GMDS: variants seen among roughly 807,000 people sequenced by gnomAD.
The protein encoded by GMDS is GDP-mannose 4,6-dehydratase, also known as GDP-mannose 4,6 dehydratase.
A neutral mutation model predicts 49.9 loss-of-function variants in GMDS; 20 were observed. That is an observed-to-expected ratio of 0.40 (90% CI 0.28 to 0.58). GMDS has a LOEUF of 0.58. Ranked by LOEUF, GMDS falls within the 20% of genes least tolerant of loss-of-function variation. The pLI is 0.42. For synonymous variants in GMDS, 177 were observed against 178.6 expected (o/e 0.99, Z 0.07); for missense variants, 362 against 481.4 (o/e 0.75, Z 2.32).
intron 7 of GMDS, among the ~76,000 whole-genome samples, chr6:1,765,985 C>T (rs894325264): frequency 1.3e-5 from 2 of 152,086 alleles, no homozygotes; most frequent in East Asian, 1.9e-4. Context: ...CTGGGTCCTT[C>T]GAAACATGCC....
rs1255971943 is a variant in GMDS at position 1,996,138 on chromosome 6, T to TCTTCCTCCTTCCTCTTC, written c.346-35189_346-35173dup. On this transcript the variant is annotated intron_variant, in intron 4 of 10. Transcript: ENST00000380815. ...CTTCCTCCTCCTTCCTCCTTCCTCT[T>TCTTCCTCCTTCCTCTTC]CTTCCTCCTTCCTCTTCCTTCCTCC... 4.0e-5 allele frequency among the ~76,000 whole-genome samples: 6 copies of TCTTCCTCCTTCCTCTTC among 151,826 alleles called. No homozygotes were observed. The South Asian group carries it at 6.3e-4, about 16-fold the overall frequency.
In GMDS at chr6:1,747,276, C is replaced by T. The variant is rs1255694856; in HGVS notation, c.772-4690G>A. Among the ~76,000 whole-genome samples the T allele has an allele frequency of 2.6e-5, 4 of 152,196 alleles. No individual in the cohort carries two copies. In the East Asian group the frequency reaches 7.7e-4, roughly 29 times the overall value. On this transcript the variant is annotated intron_variant, in intron 7 of 10. Transcript: ENST00000380815. ...CTTAAAAATCTGGATTCTACAATTGCTTCCACCTCGACGTTAACCTCCAGT... is the reference window on the plus strand; with the variant it reads ...CTTAAAAATCTGGATTCTACAATTGTTTCCACCTCGACGTTAACCTCCAGT...
In GMDS at chr6:1,782,784, C is replaced by T. The variant is rs145236713; in HGVS notation, c.772-40198G>A. Among the ~76,000 whole-genome samples, 408 of 152,330 alleles carry T rather than the reference C, an allele frequency of 2.7e-3. 3 individuals are homozygous for T. Among genetic ancestry groups the T allele is most frequent in the African/African-American group, 9.4e-3 (389 of 41,570 alleles). Reference sequence around the variant, plus strand: ...AATGTCCACTGTGGGCCAGGCACTACCCCATACTTGGGTGTGAACTTGTCT... The same window carrying T: ...AATGTCCACTGTGGGCCAGGCACTATCCCATACTTGGGTGTGAACTTGTCT... On this transcript the variant is annotated intron_variant, in intron 7 of 10. Coordinates refer to ENST00000380815, the MANE Select transcript of GMDS (RefSeq NM_001500.4).
intron 2 of GMDS, among the ~76,000 whole-genome samples, chr6:2,122,360 G>A (rs1003645894): frequency 5.9e-5 from 9 of 152,136 alleles, no homozygotes; most frequent in African/African-American, 2.2e-4. Context: ...GCACACTAAA[G>A]GCTGAGAGTC....
At chr6:1,831,197 C>G (rs1405204859) in intron 7 of GMDS, among the ~76,000 whole-genome samples, 1 of 152,236 alleles carries the variant, frequency 6.6e-6, no homozygotes, top group African/African-American at 2.4e-5. Context: ...GCTGGTTACA[C>G]TGGCCTCCTG....
chr6:2,005,463 T>C (rs1186345030), intron 4 of GMDS, among the ~76,000 whole-genome samples: 1 of 152,182 alleles, frequency 6.6e-6, no homozygotes, highest in Non-Finnish European at 1.5e-5. Flanking sequence ...AGTTGCATCC[T>C]AAATCAACTG....
At chr6:1,679,262 A>G (rs1371580606) in intron 9 of GMDS, 3 of 152,272 alleles carry the variant, frequency 2.0e-5, no homozygotes, top group Non-Finnish European at 4.4e-5. Context: ...AACCTGTGCA[A>G]ATAGCCCTGT....
At chr6:1,787,859 T>C (rs1465758647) in intron 7 of GMDS, among the ~76,000 whole-genome samples, 1 of 152,146 alleles carries the variant, frequency 6.6e-6, no homozygotes, top group Non-Finnish European at 1.5e-5. Flanking sequence ...TGCTGGCAAA[T>C]GCATCATTTT....
intron 7 of GMDS, among the ~76,000 whole-genome samples, chr6:1,791,884 A>G (rs1769557517): frequency 6.6e-6 from 1 of 152,222 alleles, no homozygotes; most frequent in Non-Finnish European, 1.5e-5. Context: ...GATGAGACTG[A>G]TAATAAAAAA....
Position 2,158,824 on chromosome 6 carries a change from C to T in GMDS, c.103-34093G>A, listed in dbSNP as rs567318765. ...CCTTTGCCAACCGGCATCAATGATG[C>T]TTCCTCCCCACAGTGTCCACGGTGG... On this transcript the variant is annotated intron_variant, in intron 1 of 10. Transcript: ENST00000380815. Among the ~76,000 whole-genome samples the T allele has an allele frequency of 7.9e-5, 12 of 152,336 alleles. No homozygotes were observed. In the South Asian group the frequency reaches 2.3e-3, roughly 29 times the overall value.
intron 9 of GMDS, among the ~76,000 whole-genome samples, chr6:1,661,852 G>A (rs557597979): frequency 6.6e-6 from 1 of 152,280 alleles, no homozygotes; most frequent in Non-Finnish European, 1.5e-5. Context: ...ACAGTCGGAT[G>A]TCATTGTTAA....
intron 9 of GMDS, among the ~76,000 whole-genome samples, chr6:1,688,454 C>T (rs1765060340): frequency 6.6e-6 from 1 of 152,220 alleles, no homozygotes. Context: ...CTGCTTCCAG[C>T]AATCAAGCAA....
intron 1 of GMDS, among the ~76,000 whole-genome samples, chr6:2,127,871 T>C (rs913221937): frequency 6.6e-6 from 1 of 152,202 alleles, no homozygotes; most frequent in Non-Finnish European, 1.5e-5. Context: ...ATGACTGAAA[T>C]GTCACAGCAA....
chr6:1,753,891 G>C (rs1020389310), intron 7 of GMDS, among the ~76,000 whole-genome samples: 1 of 152,152 alleles, frequency 6.6e-6, no homozygotes, highest in African/African-American at 2.4e-5. Flanking sequence ...GCAGTGTTTA[G>C]AGGGTAATTT....
chr6:1,651,880 T>G (rs1763662518), intron 9 of GMDS, among the ~76,000 whole-genome samples: 1 of 152,178 alleles, frequency 6.6e-6, no homozygotes, highest in African/African-American at 2.4e-5. Context: ...GCCTTGTTTT[T>G]CAAGGGTGCT....
intron 4 of GMDS, among the ~76,000 whole-genome samples, chr6:2,077,380 C>A (rs1772407342): frequency 6.6e-6 from 1 of 152,086 alleles, no homozygotes; most frequent in African/African-American, 2.4e-5. Context: ...CAAAGACTTT[C>A]AACTTTTCCC....
intron 4 of GMDS, among the ~76,000 whole-genome samples, chr6:1,991,621 TCTC>T (rs1765944852): frequency 6.6e-6 from 1 of 152,162 alleles, no homozygotes; most frequent in African/African-American, 2.4e-5. Flanking sequence ...TTGCCCAAAT[TCTC>T]CTCTGATCCC....
At chr6:1,741,015 CTT>C (rs1767249439) in intron 8 of GMDS, among the ~76,000 whole-genome samples, 1 of 152,120 alleles carries the variant, frequency 6.6e-6, no homozygotes. Flanking sequence ...GGCAGTATCT[CTT>C]TTTCTGAGTG....
intron 4 of GMDS, among the ~76,000 whole-genome samples, chr6:1,975,571 G>T (rs559583820): frequency 6.6e-6 from 1 of 152,260 alleles, no homozygotes; most frequent in African/African-American, 2.4e-5. Flanking sequence ...CTTACTTAAT[G>T]TTTTAAAAAC....
Sources: allele counts gnomAD v4.1 joint callset (sites outside exome capture counted in the v4.1 genomes callset), GRCh38; gene constraint gnomAD v4.1.1; transcripts MANE v1.5; gene names NCBI Gene and HGNC (gene_info 2026-07-23, HGNC 2026-07-21).